ASAP1: variants seen among roughly 807,000 people sequenced by gnomAD.
The protein encoded by ASAP1 is arf-GAP with SH3 domain, ANK repeat and PH domain-containing protein 1.
ASAP1 carries 43 observed loss-of-function variants against 145.2 expected under a neutral mutation model. The observed-to-expected ratio is 0.30, with a 90% CI of 0.23 to 0.38. The LOEUF (loss-of-function observed/expected upper bound fraction) is 0.38. ASAP1 is among the 10% of genes least tolerant of loss of function. ASAP1 has a pLI of 1.00. For missense variants in ASAP1, 1,018 were observed against 1,355.3 expected (o/e 0.75, Z 3.91); for synonymous variants, 546 against 515.5 (o/e 1.06, Z -0.80).
At position 130,113,423 on chromosome 8, in the gene ASAP1, T is replaced by C. The variant is rs563284055; in HGVS notation, c.2173-1101A>G. 3.3e-4 allele frequency among the ~76,000 whole-genome samples: 51 copies of C among 152,358 alleles called. No individual in the cohort carries two copies. In the South Asian group the frequency reaches 5.4e-3, roughly 16 times the overall value. On this transcript the variant is annotated intron_variant, in intron 23 of 29. Coordinates refer to ENST00000518721, the MANE Select transcript of ASAP1 (RefSeq NM_018482.4). ...CTCCAATGTCCTTGAGAAGGCAGAC[T>C]GAGGCAGCTGCTTGGTCCTCTGAAT...
At chr8:130,436,347 T>C (rs1830311962) in intron 1 of ASAP1, among the ~76,000 whole-genome samples, 2 of 152,158 alleles carry the variant, frequency 1.3e-5, no homozygotes, top group South Asian at 2.1e-4. Context: ...CAGGCTGGAG[T>C]GCAGTGGCAC....
rs1290777467 is a variant in ASAP1 at position 130,102,888 on chromosome 8, A to G, written c.2401+9206T>C. Reference sequence around the variant, plus strand: ...ATATTTTTTGTAGAGACAGGGTCTCACCATGTTGCCCAGATTGGTCTCAAA... The same window carrying G: ...ATATTTTTTGTAGAGACAGGGTCTCGCCATGTTGCCCAGATTGGTCTCAAA... On this transcript the variant is annotated intron_variant, in intron 24 of 29. Transcript: ENST00000518721. Among the ~76,000 whole-genome samples the G allele has an allele frequency of 3.9e-5, 6 of 152,192 alleles. 1 individual carries two copies. The highest frequency in any genetic ancestry group is 6.5e-5 in the Admixed American group (1 of 15,272).
chr8:130,080,478 C>CTCTTTTT (rs869286628), intron 25 of ASAP1, among the ~76,000 whole-genome samples: 1 of 71,182 alleles, frequency 1.4e-5, no homozygotes, highest in African/African-American at 5.1e-5. Flanking sequence ...CATTCTCTCT[C>CTCTTTTT]TTTTTTTTTT....
intron 27 of ASAP1, among the ~76,000 whole-genome samples, chr8:130,069,200 A>G (rs2097436628): frequency 6.6e-6 from 1 of 152,258 alleles, no homozygotes; most frequent in Non-Finnish European, 1.5e-5. Flanking sequence ...TTATTAAGAA[A>G]TGGAATGAAT....
At chr8:130,394,651 C>G (rs1030187884) in intron 2 of ASAP1, among the ~76,000 whole-genome samples, 6 of 152,124 alleles carry the variant, frequency 3.9e-5, no homozygotes, top group African/African-American at 9.7e-5. Context: ...GCTGGTTTTG[C>G]GGCTTGTGGG....
At position 130,152,923 on chromosome 8, in the gene ASAP1, AC is replaced by A. The variant is rs572959936; in HGVS notation, c.1011-119del. ...TAACTTCCCCAAACCAAAAAATCCA[AC>A]CCCCCCAAAAAAATCCTGGTTGCCT... On this transcript the variant is annotated intron_variant, in intron 12 of 29. Coordinates refer to ENST00000518721, the MANE Select transcript of ASAP1 (RefSeq NM_018482.4). The A allele has an allele frequency of 3.6e-4, 247 of 677,114 alleles. 1 individual carries two copies. In the African/African-American group the frequency reaches 3.7e-3, roughly 10 times the overall value. 41.9% of individuals were successfully genotyped at this position (677,114 alleles called of 1,614,324 possible).
At chr8:130,142,832 T>C (rs528028864) in intron 13 of ASAP1, among the ~76,000 whole-genome samples, 1 of 150,422 alleles carries the variant, frequency 6.6e-6, no homozygotes, top group Non-Finnish European at 1.5e-5. Context: ...GGCAATCTAC[T>C]GGAGAAAGCA....
intron 2 of ASAP1, among the ~76,000 whole-genome samples, chr8:130,362,449 A>G (rs1826763871): frequency 6.6e-6 from 1 of 152,242 alleles, no homozygotes; most frequent in Admixed American, 6.5e-5. Flanking sequence ...CTTCTTTTCT[A>G]AACTATGTTT....
chr8:130,295,649 T>C (rs1336305260), intron 3 of ASAP1, among the ~76,000 whole-genome samples: 3 of 152,224 alleles, frequency 2.0e-5, no homozygotes, highest in African/African-American at 7.2e-5. Flanking sequence ...CAGAAAAGCT[T>C]TGCAGAAAGC....
rs1395436507 is a variant in ASAP1 at position 130,290,326 on chromosome 8, TG to T, written c.187-53333del. On this transcript the variant is annotated intron_variant, in intron 3 of 29. Coordinates refer to ENST00000518721, the MANE Select transcript of ASAP1 (RefSeq NM_018482.4). ...CCTTCAAGGGCAGGGATGGTTCAGG[TG>T]AAACAGCAAGGCCTACAACAGTAGC... Among the ~76,000 whole-genome samples the T allele has an allele frequency of 3.3e-5, 5 of 152,246 alleles. No homozygotes were observed. In the East Asian group the frequency reaches 9.6e-4, roughly 29 times the overall value.
chr8:130,388,515 T>G (rs1403386040), intron 2 of ASAP1, among the ~76,000 whole-genome samples: 1 of 152,194 alleles, frequency 6.6e-6, no homozygotes, highest in Admixed American at 6.5e-5. Context: ...CAGATTCAGC[T>G]GGAGATAAAA....
At position 130,398,522 on chromosome 8, in the gene ASAP1, G is replaced by A. The variant is rs1828635624; in HGVS notation, c.59+3363C>T. On this transcript the variant is annotated intron_variant, in intron 2 of 29. Coordinates refer to ENST00000518721, the MANE Select transcript of ASAP1 (RefSeq NM_018482.4). ...TTAGTAGAAGCAGCAGTCATGGTAAGAGTAAAAGTATTAATAGTAATAAGT... is the reference window on the plus strand; with the variant it reads ...TTAGTAGAAGCAGCAGTCATGGTAAAAGTAAAAGTATTAATAGTAATAAGT... Among the ~76,000 whole-genome samples, 5 of 152,236 alleles carry A rather than the reference G, an allele frequency of 3.3e-5. No individual in the cohort carries two copies. In the South Asian group the frequency reaches 1.0e-3, roughly 32 times the overall value.
intron 4 of ASAP1, among the ~76,000 whole-genome samples, chr8:130,220,785 T>C (rs950113330): frequency 6.6e-6 from 1 of 152,100 alleles, no homozygotes; most frequent in African/African-American, 2.4e-5. Flanking sequence ...TCAGGAAACT[T>C]AGAGTCATGG....
intron 1 of ASAP1, among the ~76,000 whole-genome samples, chr8:130,408,093 C>T (rs1273643910): frequency 6.6e-6 from 1 of 152,216 alleles, no homozygotes. Flanking sequence ...TCCACCTCTT[C>T]CAGGAAGCTC....
intron 3 of ASAP1, among the ~76,000 whole-genome samples, chr8:130,275,763 A>G (rs1207580068): frequency 6.6e-6 from 1 of 152,238 alleles, no homozygotes; most frequent in Non-Finnish European, 1.5e-5. Context: ...ATGCTTTTAA[A>G]ACAAATAAGG....
chr8:130,139,798 A>T (rs2097605397), intron 13 of ASAP1, among the ~76,000 whole-genome samples: 2 of 151,878 alleles, frequency 1.3e-5, no homozygotes, highest in Admixed American at 1.3e-4. Flanking sequence ...TAATTTTTAG[A>T]CACTATTCAC....
At chr8:130,164,436 T>C (rs746320625) in intron 11 of ASAP1, among the ~76,000 whole-genome samples, 3 of 151,824 alleles carry the variant, frequency 2.0e-5, no homozygotes, top group African/African-American at 7.3e-5. Flanking sequence ...ACTAAAAACA[T>C]AAAAATTAGC....
At chr8:130,140,408 T>C (rs796322991) in intron 13 of ASAP1, among the ~76,000 whole-genome samples, 7 of 151,980 alleles carry the variant, frequency 4.6e-5, no homozygotes, top group African/African-American at 1.7e-4. Context: ...CATGTGAATG[T>C]TTATTATGTA....
intron 5 of ASAP1, among the ~76,000 whole-genome samples, chr8:130,191,170 A>G (rs1024040890): frequency 6.6e-6 from 1 of 152,070 alleles, no homozygotes; most frequent in African/African-American, 2.4e-5. Context: ...CCAGCTGCAG[A>G]GAAGAATGGC....
Sources: allele counts gnomAD v4.1 joint callset (sites outside exome capture counted in the v4.1 genomes callset), GRCh38; gene constraint gnomAD v4.1.1; transcripts MANE v1.5; gene names NCBI Gene and HGNC (gene_info 2026-07-23, HGNC 2026-07-21).